LIMCH1: variants seen among roughly 807,000 people sequenced by gnomAD.
LIMCH1 encodes the protein LIM and calponin homology domains 1, also known as LIM and calponin homology domains-containing protein 1.
In LIMCH1, 113 loss-of-function variants were observed where a neutral mutation model predicts 176.5. That is an observed-to-expected ratio of 0.64 (90% CI 0.55 to 0.75). The LOEUF is 0.75. LIMCH1 is among the 30% of genes least tolerant of loss of function. The pLI is 0.00. For synonymous variants in LIMCH1, 619 were observed against 645.9 expected (o/e 0.96, Z 0.63); for missense variants, 1,674 against 1,814.9 (o/e 0.92, Z 1.41).
chr4:41,401,960 C>G (rs927421969), intron 1 of LIMCH1, among the ~76,000 whole-genome samples: 1 of 152,164 alleles, frequency 6.6e-6, no homozygotes, highest in East Asian at 1.9e-4. Context: ...TCTAGATATA[C>G]AATCGTGTCG....
At chr4:41,560,274 C>T (rs1388848615) in intron 1 of LIMCH1, among the ~76,000 whole-genome samples, 1 of 152,168 alleles carries the variant, frequency 6.6e-6, no homozygotes, top group Non-Finnish European at 1.5e-5. Flanking sequence ...TTCTATTCCT[C>T]CTGGCCTTTG....
At chr4:41,396,551 TG>T (rs1188002783) in intron 1 of LIMCH1, among the ~76,000 whole-genome samples, 2 of 152,110 alleles carry the variant, frequency 1.3e-5, no homozygotes, top group African/African-American at 4.8e-5. Context: ...TTTGTTTGTT[TG>T]TTTGTTTTTG....
chr4:41,517,701 T>C (rs1376301782), intron 2 of LIMCH1, among the ~76,000 whole-genome samples: 2 of 152,166 alleles, frequency 1.3e-5, no homozygotes, highest in Non-Finnish European at 2.9e-5. Flanking sequence ...TTTGTTAATT[T>C]TCCTGGTTTT....
intron 1 of LIMCH1, among the ~76,000 whole-genome samples, chr4:41,407,559 G>C (rs920745484): frequency 3.3e-5 from 5 of 152,230 alleles, no homozygotes; most frequent in Non-Finnish European, 7.3e-5. Context: ...CAAGTAAAGA[G>C]TCCTGGAGGG....
chr4:41,437,108 A>C (rs1439443595), intron 1 of LIMCH1, among the ~76,000 whole-genome samples: 1 of 152,246 alleles, frequency 6.6e-6, no homozygotes, highest in Non-Finnish European at 1.5e-5. Context: ...CACTTAAACA[A>C]AACAAAACAA....
chr4:41,386,291 A>G (rs933538027), intron 1 of LIMCH1, among the ~76,000 whole-genome samples: 5 of 152,130 alleles, frequency 3.3e-5, no homozygotes, highest in African/African-American at 9.7e-5. Context: ...TCCTTAGAGG[A>G]GGGATGAAGT....
At chr4:41,537,456 A>G (rs2078074510), upstream of LIMCH1, among the ~76,000 whole-genome samples, 1 of 152,226 alleles carries the variant, frequency 6.6e-6, no homozygotes, top group Non-Finnish European at 1.5e-5. Context: ...TCAGAATTAT[A>G]CCAGCAGAGG....
At chr4:41,674,297 C>T (rs2095145234) in intron 22 of LIMCH1, among the ~76,000 whole-genome samples, 1 of 152,170 alleles carries the variant, frequency 6.6e-6, no homozygotes, top group Non-Finnish European at 1.5e-5. Context: ...TCTTATTTTC[C>T]TACTATTGGA....
At chr4:41,582,999 T>G (rs967244068) in intron 1 of LIMCH1, among the ~76,000 whole-genome samples, 1 of 152,232 alleles carries the variant, frequency 6.6e-6, no homozygotes, top group African/African-American at 2.4e-5. Context: ...GACAGTTCAA[T>G]GGTGTTAATA....
chr4:41,580,811 A>C (rs543112672), intron 1 of LIMCH1, among the ~76,000 whole-genome samples: 4 of 152,348 alleles, frequency 2.6e-5, no homozygotes, highest in African/African-American at 9.6e-5. Flanking sequence ...GTACAAACTA[A>C]AGACAAAGAA....
intron 1 of LIMCH1, among the ~76,000 whole-genome samples, chr4:41,586,925 T>G (rs2086597836): frequency 6.6e-6 from 1 of 152,170 alleles, no homozygotes; most frequent in Non-Finnish European, 1.5e-5. Context: ...TTTCCCTAAC[T>G]GTGCTATGAG....
At position 41,529,773 on chromosome 4, in the gene LIMCH1, G is replaced by A. The variant is rs763147195; in HGVS notation, c.237+5295G>A. Among the ~76,000 whole-genome samples, 14 of 151,634 alleles carry A rather than the reference G, an allele frequency of 9.2e-5. 1 individual carries two copies. Among genetic ancestry groups the A allele is most frequent in the East Asian group, 3.9e-4 (2 of 5,180 alleles). On this transcript the variant is annotated intron_variant, in intron 3 of 26. Coordinates refer to the LIMCH1 transcript ENST00000313860. ...TTCATCTCTTTTTTTTCTTTCTGTC[G>A]GCCAATACCTACAAAATATCTTTCT...
At chr4:41,623,384 G>A (rs60354048) in intron 7 of LIMCH1, among the ~76,000 whole-genome samples, 12,001 of 152,210 alleles carry the variant, frequency 0.079, 518 homozygotes, top group East Asian at 0.12. Context: ...AGCCATGTCC[G>A]AGGGGAAGAG....
At chr4:41,612,575 G>A (rs1296373869) in intron 4 of LIMCH1, 7 of 702,414 alleles carry the variant, frequency 1.0e-5, no homozygotes, top group South Asian at 5.9e-5. Flanking sequence ...AGACACTGGC[G>A]GGAACAAGGC....
rs777865320 is a variant in LIMCH1, at chr4:41,631,486, T to G, written c.1601+9T>G. The G allele has an allele frequency of 1.2e-4, 182 of 1,496,174 alleles. No individual in the cohort carries two copies. Among genetic ancestry groups the G allele is most frequent in the Non-Finnish European group, 1.6e-4 (177 of 1,128,246 alleles). The allele number at this position is 1,496,174 out of a possible 1,614,324, so 92.7% of individuals were successfully genotyped here. A position where few individuals can be genotyped will look rare whatever the true frequency, so the allele number is the denominator to read the frequency against. ...CGACAAAATGACTGCAGGTATTTTT[T>G]GCCATACGTGTGCAAGGATATCTGC... On this transcript the variant is annotated intron_variant, in intron 10 of 31. Transcript: ENST00000503057.
intron 1 of LIMCH1, among the ~76,000 whole-genome samples, chr4:41,584,350 T>C (rs1353732174): frequency 6.6e-6 from 1 of 152,142 alleles, no homozygotes; most frequent in Non-Finnish European, 1.5e-5. Context: ...ACAACCAGAG[T>C]GTGATGACTA....
intron 1 of LIMCH1, among the ~76,000 whole-genome samples, chr4:41,419,612 T>TCCTTCCG (rs1561310212): frequency 3.7e-5 from 3 of 81,058 alleles, no homozygotes; most frequent in Admixed American, 1.1e-4. Context: ...CCGTCCTTCC[T>TCCTTCCG]TCCTTCCTTC....
intron 1 of LIMCH1, among the ~76,000 whole-genome samples, chr4:41,568,459 A>G (rs2083070219): frequency 6.6e-6 from 1 of 152,224 alleles, no homozygotes; most frequent in African/African-American, 2.4e-5. Context: ...ATCCACATGC[A>G]CACAGAGTAT....
At chr4:41,469,866 GA>G (rs1199469080) in intron 1 of LIMCH1, among the ~76,000 whole-genome samples, 1 of 151,936 alleles carries the variant, frequency 6.6e-6, no homozygotes, top group Non-Finnish European at 1.5e-5. Context: ...GTTTTTAGTA[GA>G]GACAGAGTTT....
Sources: allele counts gnomAD v4.1 joint callset (sites outside exome capture counted in the v4.1 genomes callset), GRCh38; gene constraint gnomAD v4.1.1; transcripts MANE v1.5; gene names NCBI Gene and HGNC (gene_info 2026-07-23, HGNC 2026-07-21).